PTBP3: variants seen among roughly 807,000 people sequenced by gnomAD.
PTBP3 encodes the protein polypyrimidine tract binding protein 3.
A neutral mutation model predicts 58.7 loss-of-function variants in PTBP3; 20 were observed. The observed-to-expected ratio is 0.34, with a 90% CI of 0.24 to 0.50. PTBP3 has a LOEUF of 0.50. Ranked by LOEUF, PTBP3 falls within the 20% of genes least tolerant of loss-of-function variation. The pLI, the probability that PTBP3 is intolerant of heterozygous loss-of-function variation, is 0.98. For missense variants in PTBP3, 509 were observed against 637.2 expected (o/e 0.80, Z 2.17); for synonymous variants, 185 against 219.8 (o/e 0.84, Z 1.40).
At chr9:112,365,151 T>C in the PTBP3 span, among the ~76,000 whole-genome samples, 4 of 93,038 alleles carry the variant, frequency 4.3e-5, no homozygotes, top group Admixed American at 1.3e-4. Context: ...TTTCATTGTA[T>C]ATGTCTATCT....
chr9:112,356,414 T>G, the PTBP3 span, among the ~76,000 whole-genome samples: 1 of 152,126 alleles, frequency 6.6e-6, no homozygotes, highest in Non-Finnish European at 1.5e-5. Context: ...GCTGGTTATA[T>G]TGTCACCTCT....
chr9:112,288,526 A>G (rs1183448191), intron 2 of PTBP3, among the ~76,000 whole-genome samples: 2 of 152,026 alleles, frequency 1.3e-5, no homozygotes, highest in African/African-American at 4.8e-5. Flanking sequence ...CAACCCCCAC[A>G]GTCTAGAAAG....
intron 5 of PTBP3, among the ~76,000 whole-genome samples, chr9:112,254,359 TGAAA>T (rs1454912268): frequency 6.6e-6 from 1 of 151,908 alleles, no homozygotes; most frequent in Non-Finnish European, 1.5e-5. Context: ...TAAAAAAACA[TGAAA>T]GAAAGAATAT....
chr9:112,347,574 C>A, the PTBP3 span, among the ~76,000 whole-genome samples: 2 of 152,086 alleles, frequency 1.3e-5, no homozygotes, highest in Non-Finnish European at 2.9e-5. Context: ...AACTCTTGGG[C>A]TCAAGTGATC....
chr9:112,265,189 A>C (rs1836747024), intron 4 of PTBP3, among the ~76,000 whole-genome samples: 1 of 152,200 alleles, frequency 6.6e-6, no homozygotes, highest in South Asian at 2.1e-4. Flanking sequence ...GTAAGAAATA[A>C]GATCTTGCTC....
chr9:112,352,758 T>C, the PTBP3 span, among the ~76,000 whole-genome samples: 1 of 152,236 alleles, frequency 6.6e-6, no homozygotes, highest in Non-Finnish European at 1.5e-5. Context: ...ATTGAAGTTA[T>C]TCTTCACAGT....
chr9:112,322,103 C>G (rs1829974788), intron 1 of PTBP3, among the ~76,000 whole-genome samples: 1 of 136,840 alleles, frequency 7.3e-6, no homozygotes, highest in East Asian at 2.1e-4. Context: ...CCATTGCACT[C>G]CAGCCTAGGA....
chr9:112,379,549 A>C, the PTBP3 span, among the ~76,000 whole-genome samples: 98 of 152,350 alleles, frequency 6.4e-4, 1 homozygote, highest in East Asian at 0.015. Context: ...CCGATGCACA[A>C]GGGAAGGCTG....
chr9:112,253,108 C>T (rs1398170768), intron 5 of PTBP3, among the ~76,000 whole-genome samples: 1 of 152,086 alleles, frequency 6.6e-6, no homozygotes, highest in Non-Finnish European at 1.5e-5. Context: ...GAGTCATGGA[C>T]CAACTATTTC....
At chr9:112,352,343 T>A in the PTBP3 span, among the ~76,000 whole-genome samples, 2 of 152,036 alleles carry the variant, frequency 1.3e-5, no homozygotes, top group Non-Finnish European at 2.9e-5. Context: ...TGTCAGGAGG[T>A]CTGGCCTGTC....
intron 7 of PTBP3, chr9:112,242,941 CA>C (rs1295659885): frequency 6.6e-6 from 1 of 152,292 alleles, no homozygotes. Context: ...TCCACTTATA[CA>C]AAACCGACTT....
intron 1 of PTBP3, among the ~76,000 whole-genome samples, chr9:112,320,055 A>C (rs1162844983): frequency 6.6e-6 from 1 of 151,998 alleles, no homozygotes; most frequent in African/African-American, 2.4e-5. Flanking sequence ...AAGGATACAA[A>C]ATTTCAGTTA....
chr9:112,264,806 GCCAAGCAA>G (rs1008399563), intron 4 of PTBP3, among the ~76,000 whole-genome samples: 6 of 152,172 alleles, frequency 3.9e-5, no homozygotes, highest in Non-Finnish European at 8.8e-5. Context: ...GGCTTTGGTT[GCCAAGCAA>G]CTGGGATTTC....
At chr9:112,303,054 G>A (rs907670263) in intron 1 of PTBP3, among the ~76,000 whole-genome samples, 2 of 151,936 alleles carry the variant, frequency 1.3e-5, no homozygotes, top group Non-Finnish European at 2.9e-5. Context: ...TATTCCACTG[G>A]TTACTGAATC....
chr9:112,268,068 T>C lies in PTBP3; in HGVS notation c.332A>G (p.Asp111Gly). The C allele has an allele frequency of 1.9e-6, 3 of 1,611,338 alleles. No individual in the cohort carries two copies. The highest frequency in any genetic ancestry group is 2.5e-6 in the Non-Finnish European group (3 of 1,179,138). Residue 111 changes from aspartate to glycine, a missense_variant, in exon 4 of 14, where the codon GAC (aspartate) becomes GGC (glycine). This residue lies in a region of PTBP3 where 212 missense variants were observed against 215.3 expected (regional missense o/e 0.98). Coordinates refer to ENST00000374257, the MANE Select transcript of PTBP3 (RefSeq NM_001163788.4). Reference protein sequence around the residue: ...QYSNHRELKTDNLPNQARAQA... With the variant: ...QYSNHRELKTGNLPNQARAQA... ...ACTTACAGCTTGATTAGGTAGATTG[T>C]CAGTCTTAAGTTCTCTGTGATTGGA...
chr9:112,245,622 T>C (rs1336120561), intron 7 of PTBP3, among the ~76,000 whole-genome samples: 1 of 152,216 alleles, frequency 6.6e-6, no homozygotes, highest in African/African-American at 2.4e-5. Flanking sequence ...TAGGTATTGA[T>C]TTTTAAATAC....
intron 8 of PTBP3, among the ~76,000 whole-genome samples, chr9:112,233,942 C>CAACAAAA (rs111598131): frequency 6.7e-6 from 1 of 150,014 alleles, no homozygotes; most frequent in Non-Finnish European, 1.5e-5. Context: ...ACAACAACAA[C>CAACAAAA]AAAAAAAAGA....
chr9:112,334,002 C>G (rs1830507242), upstream of PTBP3, among the ~76,000 whole-genome samples: 1 of 151,784 alleles, frequency 6.6e-6, no homozygotes. Context: ...GTTTGAATGC[C>G]TCCCTCTGCC....
chr9:112,357,163 T>C, the PTBP3 span, among the ~76,000 whole-genome samples: 1 of 152,066 alleles, frequency 6.6e-6, no homozygotes, highest in Admixed American at 6.6e-5. Flanking sequence ...ATTACAGGCA[T>C]GAGCCACCGC....
Sources: gnomAD v4.1 joint callset for allele counts (sites outside exome capture counted in the v4.1 genomes callset) on GRCh38, gnomAD v4.1.1 for gene constraint, gnomAD v4.1.1 regional missense constraint, MANE v1.5 for transcripts, NCBI Gene and HGNC (gene_info 2026-07-23, HGNC 2026-07-21) for gene names.